PPARGC1A: variants seen among roughly 807,000 people sequenced by gnomAD.
PPARGC1A encodes peroxisome proliferator-activated receptor gamma coactivator 1-alpha.
In PPARGC1A, 25 loss-of-function variants were observed where a neutral mutation model predicts 88.7. The observed-to-expected ratio is 0.28, with a 90% CI of 0.21 to 0.39. The LOEUF (loss-of-function observed/expected upper bound fraction) is 0.39. PPARGC1A is among the 10% of genes least tolerant of loss of function. The pLI is 1.00. For synonymous variants in PPARGC1A, 363 were observed against 355.6 expected (o/e 1.02, Z -0.24); for missense variants, 880 against 968.7 (o/e 0.91, Z 1.22).
chr4:24,464,240 G>A, the PPARGC1A span, among the ~76,000 whole-genome samples: 1 of 152,196 alleles, frequency 6.6e-6, no homozygotes, highest in South Asian at 2.1e-4. Flanking sequence ...CTTTGTATTT[G>A]GAGGTTTGTA....
the PPARGC1A span, among the ~76,000 whole-genome samples, chr4:24,328,325 T>A: frequency 6.7e-6 from 1 of 149,178 alleles, no homozygotes; most frequent in African/African-American, 2.4e-5. Flanking sequence ...TTTGGGCTTT[T>A]GGAGAGCATG....
the PPARGC1A span, among the ~76,000 whole-genome samples, chr4:24,160,507 C>T: frequency 6.6e-6 from 1 of 152,172 alleles, no homozygotes; most frequent in Non-Finnish European, 1.5e-5. Context: ...CCAAGAAGGA[C>T]ATCAAGACTG....
the PPARGC1A span, among the ~76,000 whole-genome samples, chr4:24,040,705 G>A: frequency 8.1e-4 from 123 of 152,296 alleles, no homozygotes; most frequent in Non-Finnish European, 1.6e-3. Context: ...CAAACTACAA[G>A]TTCTGTTGAA....
chr4:24,438,726 T>C, the PPARGC1A span, among the ~76,000 whole-genome samples: 1 of 152,104 alleles, frequency 6.6e-6, no homozygotes, highest in Admixed American at 6.5e-5. Flanking sequence ...CTTTGAGCAG[T>C]TAAACTCTCT....
At chr4:24,238,390 T>C in the PPARGC1A span, among the ~76,000 whole-genome samples, 2 of 152,210 alleles carry the variant, frequency 1.3e-5, no homozygotes, top group Non-Finnish European at 2.9e-5. Context: ...ACAAGGTCAT[T>C]AACTTCTTAG....
chr4:24,310,427 C>T, the PPARGC1A span, among the ~76,000 whole-genome samples: 7 of 152,106 alleles, frequency 4.6e-5, no homozygotes, highest in African/African-American at 1.7e-4. Flanking sequence ...TATATTATAG[C>T]TGTTACCTGC....
chr4:24,314,737 T>A, the PPARGC1A span, among the ~76,000 whole-genome samples: 2 of 152,274 alleles, frequency 1.3e-5, no homozygotes, highest in South Asian at 2.1e-4. Context: ...AAAACAAAAA[T>A]GTGTTCTGTC....
chr4:24,247,068 G>C, the PPARGC1A span, among the ~76,000 whole-genome samples: 3 of 152,150 alleles, frequency 2.0e-5, no homozygotes, highest in African/African-American at 7.2e-5. Flanking sequence ...ATATGGATTG[G>C]GTGCAGAAGA....
At chr4:23,910,717 T>A in the PPARGC1A span, among the ~76,000 whole-genome samples, 1 of 151,656 alleles carries the variant, frequency 6.6e-6, no homozygotes, top group East Asian at 1.9e-4. Context: ...GGATTACAGG[T>A]GTGAGCCACC....
At chr4:24,184,190 T>A in the PPARGC1A span, among the ~76,000 whole-genome samples, 1 of 152,186 alleles carries the variant, frequency 6.6e-6, no homozygotes, top group Admixed American at 6.6e-5. Context: ...TAATAACATG[T>A]TTGGCACTGT....
At chr4:24,386,692 G>A in the PPARGC1A span, among the ~76,000 whole-genome samples, 10 of 152,126 alleles carry the variant, frequency 6.6e-5, no homozygotes, top group Non-Finnish European at 1.5e-4. Context: ...CAAGGGATGT[G>A]AAGACCTCTT....
the PPARGC1A span, among the ~76,000 whole-genome samples, chr4:24,406,604 A>G: frequency 1.3e-5 from 2 of 152,204 alleles, no homozygotes; most frequent in Non-Finnish European, 2.9e-5. Flanking sequence ...CCTTTCAAAC[A>G]TTGTTAAGAA....
At chr4:24,266,675 G>A in the PPARGC1A span, among the ~76,000 whole-genome samples, 1 of 152,160 alleles carries the variant, frequency 6.6e-6, no homozygotes, top group Non-Finnish European at 1.5e-5. Flanking sequence ...AGGCATCCCT[G>A]TTGCAAGAAC....
the PPARGC1A span, among the ~76,000 whole-genome samples, chr4:24,107,273 C>T: frequency 7.9e-5 from 12 of 152,326 alleles, no homozygotes; most frequent in African/African-American, 2.9e-4. Context: ...TTGAGTCAAT[C>T]ATTTCTTCTT....
At chr4:23,925,274 C>T in the PPARGC1A span, among the ~76,000 whole-genome samples, 1 of 152,110 alleles carries the variant, frequency 6.6e-6, no homozygotes, top group African/African-American at 2.4e-5. Context: ...GCTCTAAATA[C>T]AAAAATGAAT....
the PPARGC1A span, among the ~76,000 whole-genome samples, chr4:24,291,293 T>A: frequency 6.6e-6 from 1 of 152,208 alleles, no homozygotes; most frequent in African/African-American, 2.4e-5. Context: ...AATGATATAA[T>A]AAATTAGCTT....
At chr4:24,316,001 C>G in the PPARGC1A span, among the ~76,000 whole-genome samples, 64,047 of 151,990 alleles carry the variant, frequency 0.42, 13,966 homozygotes, top group African/African-American at 0.49. Context: ...GCACCCAATG[C>G]CCATATAAAC....
chr4:23,915,235 C>T, the PPARGC1A span, among the ~76,000 whole-genome samples: 1 of 152,022 alleles, frequency 6.6e-6, no homozygotes, highest in African/African-American at 2.4e-5. Flanking sequence ...ATAGGAATAT[C>T]ATATCAATAG....
At chr4:24,461,215 G>T in the PPARGC1A span, among the ~76,000 whole-genome samples, 6 of 152,210 alleles carry the variant, frequency 3.9e-5, no homozygotes, top group Admixed American at 2.0e-4. Flanking sequence ...AGCCACAATG[G>T]CCTGCCTAGG....
Sources: gnomAD v4.1 joint callset for allele counts (sites outside exome capture counted in the v4.1 genomes callset) on GRCh38, gnomAD v4.1.1 for gene constraint, MANE v1.5 for transcripts, NCBI Gene and HGNC (gene_info 2026-07-23, HGNC 2026-07-21) for gene names.